TFF2: variants seen among roughly 807,000 people sequenced by gnomAD.
TFF2 encodes the protein spasmolysin.
Under a neutral mutation model 16.0 loss-of-function variants are expected in TFF2, and 19 were observed. The ratio of observed to expected loss-of-function variants is 1.19; its 90% CI spans 0.83 to 1.74. TFF2 has a LOEUF of 1.74. Among genes scored for constraint, TFF2 ranks in the 40% most tolerant of loss-of-function variants. TFF2 has a pLI of 0.00. For missense variants in TFF2, 168 were observed against 166.8 expected (o/e 1.01, Z -0.04); for synonymous variants, 61 against 65.4 (o/e 0.93, Z 0.32).
intron 3 of TFF2, among the ~76,000 whole-genome samples, chr21:42,347,005 C>T (rs886992154): frequency 7.2e-5 from 11 of 152,194 alleles, no homozygotes; most frequent in African/African-American, 2.7e-4. Context: ...CCTCTGCCGG[C>T]GGGACCCTCC....
chr21:42,348,157 A>C (rs1028630412), intron 2 of TFF2, among the ~76,000 whole-genome samples: 3 of 152,180 alleles, frequency 2.0e-5, no homozygotes, highest in African/African-American at 7.2e-5. Flanking sequence ...AATCTTGGGG[A>C]TGAATCCTCC....
chr21:42,346,815 T>G (rs1221370578), intron 3 of TFF2, among the ~76,000 whole-genome samples: 1 of 152,192 alleles, frequency 6.6e-6, no homozygotes, highest in Non-Finnish European at 1.5e-5. Flanking sequence ...ATCCTGAACA[T>G]GAAATATTTC....
At chr21:42,349,406 A>T (rs2052095951) in intron 2 of TFF2, among the ~76,000 whole-genome samples, 1 of 141,902 alleles carries the variant, frequency 7.0e-6, no homozygotes, top group Non-Finnish European at 1.5e-5. Flanking sequence ...AGACTAACCA[A>T]CCTGGGCTAC....
At position 42,347,729 on chromosome 21, in the gene TFF2, G is replaced by A. The variant is rs1340041965; in HGVS notation, c.230-97C>T. On this transcript the variant is annotated intron_variant, in intron 2 of 3. Transcript: ENST00000291526. ...CCTCTGAGAGCAGCGCTGATTTGCA[G>A]CCTCCGTGGATCATGAGGTGCTGCC... is the stretch of plus-strand genomic sequence containing the variant. The A allele has an allele frequency of 3.2e-5, 47 of 1,463,386 alleles. No homozygotes were observed. In the Admixed American group the frequency reaches 1.0e-3, roughly 31 times the overall value. 90.7% of individuals were successfully genotyped at this position (1,463,386 alleles called of 1,614,324 possible). A position where few individuals can be genotyped will look rare whatever the true frequency, so the allele number is the denominator to read the frequency against.
At position 42,350,972 on chromosome 21, in the gene TFF2, C is replaced by A. The variant is rs764909950; in HGVS notation, c.-15G>T. 6.2e-7 allele frequency: 1 copy of A among 1,613,164 alleles called. No individual in the cohort carries two copies. Among genetic ancestry groups the A allele is most frequent in the East Asian group, 2.2e-5 (1 of 44,842 alleles). ...CGCCGTCCCATGTCTAGCTCAGCTG[C>A]ACCCCAGGGTGGCTTGCAGAATGCA... On this transcript the variant is annotated 5_prime_UTR_variant, in exon 1 of 4. Coordinates refer to ENST00000291526, the MANE Select transcript of TFF2 (RefSeq NM_005423.5).
chr21:42,350,156 C>T (rs1568860172), intron 1 of TFF2, 126 bp from the exon 2 acceptor site: 3 of 1,381,262 alleles, frequency 2.2e-6, no homozygotes, highest in African/African-American at 2.9e-5. Context: ...TCTTATCTTG[C>T]CCATATTTAA....
intron 2 of TFF2, among the ~76,000 whole-genome samples, chr21:42,349,626 T>TAGACTAACCAACCTGGGCTAGCCCC (rs1276045900): frequency 2.0e-4 from 29 of 142,276 alleles, no homozygotes; most frequent in Non-Finnish European, 3.8e-4. Context: ...ACACTAGCCC[T>TAGACTAACCAACCTGGGCTAGCCCC]AGACTAACCA....
chr21:42,350,444 G>A (rs1008811262), intron 1 of TFF2: 24 of 182,780 alleles, frequency 1.3e-4, no homozygotes, highest in East Asian at 1.6e-4. Context: ...GAGGTGGGAG[G>A]ATCACTTGAG....
chr21:42,347,739 A>G (rs879291129), intron 2 of TFF2, 107 bp from the exon 3 acceptor site: 14 of 1,405,638 alleles, frequency 1.0e-5, no homozygotes, highest in Non-Finnish European at 1.2e-5. Flanking sequence ...GCCTCCGTGG[A>G]TCATGAGGTG....
intron 1 of TFF2, 104 bp downstream of exon 1, chr21:42,350,775 C>T: frequency 8.2e-7 from 1 of 1,222,232 alleles, no homozygotes; most frequent in Non-Finnish European, 1.1e-6. Context: ...TTGCCAGATG[C>T]CTTTATAGCC....
intron 2 of TFF2, among the ~76,000 whole-genome samples, chr21:42,348,602 A>G (rs534807500): frequency 6.6e-6 from 1 of 152,276 alleles, no homozygotes; most frequent in South Asian, 2.1e-4. Context: ...GCCCCAGGCT[A>G]ACCAACCTGG....
At chr21:42,350,812 T>C (rs902447484) in intron 1 of TFF2, 67 bp downstream of exon 1, 2 of 1,464,132 alleles carry the variant, frequency 1.4e-6, no homozygotes, top group Admixed American at 2.2e-5. Flanking sequence ...TAATTTATGG[T>C]TGTGCTTTTT....
chr21:42,349,813 G>C, intron 2 of TFF2, 68 bp downstream of exon 2: 2 of 1,484,602 alleles, frequency 1.3e-6, no homozygotes, highest in Non-Finnish European at 9.1e-7. Flanking sequence ...CCCTGCTCTG[G>C]GCTCCGCCTG....
chr21:42,346,440 G>T lies in TFF2; in HGVS notation c.*93C>A. On this transcript the variant is annotated 3_prime_UTR_variant, in exon 4 of 4. Coordinates refer to ENST00000291526, the MANE Select transcript of TFF2 (RefSeq NM_005423.5). ...GGAAAAGATGGTTAAGAAAACCCAGGATTTCATGAAGTATGAAGCTGATAA... is the reference window on the plus strand; with the variant it reads ...GGAAAAGATGGTTAAGAAAACCCAGTATTTCATGAAGTATGAAGCTGATAA... 1.3e-6 allele frequency: 2 copies of T among 1,488,778 alleles called. No homozygotes were observed. Among genetic ancestry groups the T allele is most frequent in the South Asian group, 1.2e-5 (1 of 86,476 alleles). The allele number at this position is 1,488,778 out of a possible 1,614,324, so 92.2% of individuals were successfully genotyped here. A position where few individuals can be genotyped will look rare whatever the true frequency, so the allele number is the denominator to read the frequency against.
At chr21:42,349,806 T>C (rs1053865105) in intron 2 of TFF2, 75 bp downstream of exon 2, 4 of 1,456,484 alleles carry the variant, frequency 2.7e-6, no homozygotes, top group East Asian at 2.5e-5. Flanking sequence ...CTCCGGCCCC[T>C]GCTCTGGGCT....
intron 3 of TFF2, 32 bp downstream of exon 3, chr21:42,347,454 G>T: frequency 2.5e-6 from 4 of 1,613,592 alleles, no homozygotes; most frequent in South Asian, 1.1e-5. Flanking sequence ...TGGTGTCCGG[G>T]AACCAGACAG....
chr21:42,346,568 G>A, intron 3 of TFF2, 22 bp from the exon 4 acceptor site: 1 of 1,589,636 alleles, frequency 6.3e-7, no homozygotes, highest in Non-Finnish European at 8.5e-7. Flanking sequence ...AATGCAAGAT[G>A]GTTGGTAAGG....
chr21:42,349,296 A>G (rs1478930582), intron 2 of TFF2, among the ~76,000 whole-genome samples: 1 of 151,204 alleles, frequency 6.6e-6, no homozygotes, highest in African/African-American at 2.4e-5. Context: ...TACTAGCCCC[A>G]GACTAATCAA....
In TFF2 at chr21:42,349,919, G is replaced by A; in HGVS notation, c.191C>T (p.Thr64Ile). The A allele has an allele frequency of 6.2e-7, 1 of 1,601,658 alleles. No homozygotes were observed. Among genetic ancestry groups the A allele is most frequent in the Non-Finnish European group, 8.5e-7 (1 of 1,174,014 alleles). Residue 64 changes from threonine to isoleucine, a missense_variant, in exon 2 of 4, where the codon ACT becomes ATT. Thr to Ile is a moderately conservative substitution (Grantham distance 89). Coordinates refer to ENST00000291526, the MANE Select transcript of TFF2 (RefSeq NM_005423.5). ...DNGCCFDSSV[T>I]GVPWCFHPLP... The stretch of plus-strand genomic sequence containing the variant: ...GGGGTGGAAACACCAGGGGACCCCA[G>A]TGACACTGGAGTCGAAACAGCATCC...
Sources: gnomAD v4.1 joint callset for allele counts (sites outside exome capture counted in the v4.1 genomes callset) on GRCh38, gnomAD v4.1.1 for gene constraint, MANE v1.5 for transcripts, NCBI Gene and HGNC (gene_info 2026-07-23, HGNC 2026-07-21) for gene names.